Variants in NT5C2 observed in about 807,000 individuals in gnomAD.
The protein encoded by NT5C2 is 5'-nucleotidase, cytosolic II.
Under a neutral mutation model 76.1 loss-of-function variants are expected in NT5C2, and 58 were observed. The observed-to-expected ratio is 0.76, with a 90% CI of 0.62 to 0.95. The LOEUF is 0.95. Among genes scored for constraint, NT5C2 ranks in the 40% least tolerant of loss-of-function variants. The pLI is 0.00. For synonymous variants in NT5C2, 229 were observed against 237.4 expected (o/e 0.96, Z 0.32); for missense variants, 478 against 690.3 (o/e 0.69, Z 3.45).
chr10:103,091,740 T>C, intron 15 of NT5C2, 125 bp from the exon 16 acceptor site: 1 of 738,126 alleles, frequency 1.4e-6, no homozygotes, highest in South Asian at 1.6e-5. Context: ...ACATGCTGAG[T>C]GTACAGTTAC....
intron 4 of NT5C2, among the ~76,000 whole-genome samples, chr10:103,113,347 CATCT>C (rs2135461490): frequency 6.6e-6 from 1 of 151,888 alleles, no homozygotes; most frequent in East Asian, 1.9e-4. Flanking sequence ...AAAAATATTC[CATCT>C]GAGAATCTGA....
chr10:103,116,145 T>C (rs1004911937), intron 4 of NT5C2, among the ~76,000 whole-genome samples: 1 of 152,164 alleles, frequency 6.6e-6, no homozygotes, highest in East Asian at 1.9e-4. Flanking sequence ...AACCATTTTA[T>C]TGGTATTTTT....
At chr10:103,163,691 T>C (rs555011427) in intron 3 of NT5C2, among the ~76,000 whole-genome samples, 73 of 148,758 alleles carry the variant, frequency 4.9e-4, no homozygotes, top group African/African-American at 1.8e-3. Flanking sequence ...AACAGCTTTA[T>C]ATGCAATAAC....
At chr10:103,103,912 G>A (rs1337464320) in intron 6 of NT5C2, among the ~76,000 whole-genome samples, 1 of 152,018 alleles carries the variant, frequency 6.6e-6, no homozygotes, top group Non-Finnish European at 1.5e-5. Context: ...GTACTACAGT[G>A]GCACCAACAC....
In NT5C2 at chr10:103,089,562, T is replaced by G. The variant is rs901825412; in HGVS notation, c.*110A>C. On this transcript the variant is annotated 3_prime_UTR_variant, in exon 19 of 19. Coordinates refer to ENST00000404739, the MANE Select transcript of NT5C2 (RefSeq NM_001351169.2). ...TTCAGAAACTTTTCAGACGTACCTT[T>G]CATGGAGCCCCCTCCCTCCCCCGAG... The G allele has an allele frequency of 1.3e-5, 19 of 1,423,900 alleles. No homozygotes were observed. Among genetic ancestry groups the G allele is most frequent in the Admixed American group, 3.2e-5 (1 of 31,512 alleles). 88.2% of individuals were successfully genotyped at this position (1,423,900 alleles called of 1,614,324 possible).
At chr10:103,107,042 A>G (rs1238096715) in intron 4 of NT5C2, among the ~76,000 whole-genome samples, 3 of 152,344 alleles carry the variant, frequency 2.0e-5, no homozygotes, top group Non-Finnish European at 2.9e-5. Flanking sequence ...GAATATGCAT[A>G]GCTGTGATAT....
intron 4 of NT5C2, among the ~76,000 whole-genome samples, chr10:103,129,171 G>A (rs1301850172): frequency 2.3e-4 from 24 of 103,862 alleles, no homozygotes; most frequent in South Asian, 3.8e-4. Flanking sequence ...GGGAGGTGAG[G>A]GGTGCCTCTG....
At chr10:103,165,983 T>G (rs561636068) in intron 3 of NT5C2, among the ~76,000 whole-genome samples, 1 of 152,230 alleles carries the variant, frequency 6.6e-6, no homozygotes, top group African/African-American at 2.4e-5. Flanking sequence ...CCAAGAGAAT[T>G]TTTTAAGTTA....
At chr10:103,125,704 T>A (rs1207984490) in intron 4 of NT5C2, among the ~76,000 whole-genome samples, 2 of 152,230 alleles carry the variant, frequency 1.3e-5, no homozygotes, top group Non-Finnish European at 2.9e-5. Context: ...AGTCTGTTTA[T>A]GCCTATTTGC....
rs191458837 is a variant in NT5C2 at position 103,150,394 on chromosome 10, A to C, written c.102-10915T>G. On this transcript the variant is annotated intron_variant, in intron 3 of 18. Coordinates refer to ENST00000404739, the MANE Select transcript of NT5C2 (RefSeq NM_001351169.2). Reference sequence around the variant, plus strand: ...CTTTTATTCCTGAGTATTTCATTGTATGGATATACCACAATTTGTTTATCC... The same window carrying C: ...CTTTTATTCCTGAGTATTTCATTGTCTGGATATACCACAATTTGTTTATCC... 1.0e-3 allele frequency among the ~76,000 whole-genome samples: 153 copies of C among 152,174 alleles called. 2 individuals carry two copies. The highest frequency in any genetic ancestry group is 3.6e-3 in the African/African-American group (149 of 41,554).
chr10:103,184,033 A>T (rs907032729), intron 1 of NT5C2, among the ~76,000 whole-genome samples: 2 of 151,488 alleles, frequency 1.3e-5, no homozygotes, highest in African/African-American at 4.9e-5. Flanking sequence ...GCTCAATGCA[A>T]CCTCCGCCTC....
At chr10:103,164,314 CTGGCTCAATCT>C (rs1194679425) in intron 3 of NT5C2, among the ~76,000 whole-genome samples, 2 of 152,002 alleles carry the variant, frequency 1.3e-5, no homozygotes, top group African/African-American at 2.4e-5. Flanking sequence ...CTGGAGTGCA[CTGGCTCAATCT>C]TGGCTCACTG....
chr10:103,090,479 C>T, intron 18 of NT5C2, 132 bp downstream of exon 18: 2 of 724,096 alleles, frequency 2.8e-6, no homozygotes, highest in Non-Finnish European at 4.4e-6. Flanking sequence ...TCTTATGCAA[C>T]CATATAACCT....
chr10:103,131,312 T>G (rs1340971942), intron 4 of NT5C2, among the ~76,000 whole-genome samples: 1 of 152,226 alleles, frequency 6.6e-6, no homozygotes, highest in Non-Finnish European at 1.5e-5. Context: ...ATTCATAGAT[T>G]ATGCTAGACA....
intron 15 of NT5C2, among the ~76,000 whole-genome samples, chr10:103,092,055 A>G (rs1176251270): frequency 6.6e-6 from 1 of 152,226 alleles, no homozygotes; most frequent in Admixed American, 6.5e-5. Flanking sequence ...TCATAGGTAG[A>G]AAGTTGAAAA....
At chr10:103,138,951 G>A (rs1829791794) in intron 4 of NT5C2, among the ~76,000 whole-genome samples, 1 of 151,860 alleles carries the variant, frequency 6.6e-6, no homozygotes, top group South Asian at 2.1e-4. Flanking sequence ...AAGTTGCAGT[G>A]AGCCAAGATC....
chr10:103,166,843 G>C (rs1382609830), intron 3 of NT5C2, among the ~76,000 whole-genome samples: 2 of 151,940 alleles, frequency 1.3e-5, no homozygotes, highest in East Asian at 3.9e-4. Context: ...TGTAGAGACA[G>C]GGTATCATTA....
chr10:103,112,594 G>A (rs1195430375), intron 4 of NT5C2, among the ~76,000 whole-genome samples: 1 of 152,126 alleles, frequency 6.6e-6, no homozygotes, highest in Non-Finnish European at 1.5e-5. Flanking sequence ...TTTCCCTAGA[G>A]ACATTTAGGT....
At chr10:103,192,941 G>A (rs546212596) in intron 1 of NT5C2, among the ~76,000 whole-genome samples, 2 of 152,220 alleles carry the variant, frequency 1.3e-5, no homozygotes, top group South Asian at 2.1e-4. Flanking sequence ...CCGGCGGCTG[G>A]GAAACAATGG....
Sources: allele counts gnomAD v4.1 joint callset (sites outside exome capture counted in the v4.1 genomes callset), GRCh38; gene constraint gnomAD v4.1.1; transcripts MANE v1.5; gene names NCBI Gene and HGNC (gene_info 2026-07-23, HGNC 2026-07-21).